BBS9: variants seen among roughly 807,000 people sequenced by gnomAD.
BBS9 encodes the protein protein PTHB1.
Under a neutral mutation model 117.7 loss-of-function variants are expected in BBS9, and 89 were observed. The observed-to-expected ratio is 0.76, with a 90% CI of 0.64 to 0.90. The LOEUF (loss-of-function observed/expected upper bound fraction) is 0.90, where lower values mean the gene tolerates loss of function less well. Ranked by LOEUF, BBS9 falls within the 40% of genes least tolerant of loss-of-function variation. BBS9 has a pLI of 0.00. For synonymous variants in BBS9, 379 were observed against 370.9 expected (o/e 1.02, Z -0.25); for missense variants, 982 against 1,042.2 (o/e 0.94, Z 0.80).
chr7:33,451,478 G>A (rs2128917424), intron 19 of BBS9, among the ~76,000 whole-genome samples: 1 of 152,034 alleles, frequency 6.6e-6, no homozygotes, highest in South Asian at 2.1e-4. Flanking sequence ...TGTAGTCTTG[G>A]CACCCTTGTT....
downstream of BBS9, among the ~76,000 whole-genome samples, chr7:33,608,805 G>C (rs185083128): frequency 1.3e-5 from 2 of 152,096 alleles, no homozygotes; most frequent in East Asian, 3.9e-4. Context: ...CTATTCAATG[G>C]GTTGTCTTTT....
chr7:33,200,954 G>A (rs766197564), intron 5 of BBS9, among the ~76,000 whole-genome samples: 6 of 152,194 alleles, frequency 3.9e-5, no homozygotes, highest in Non-Finnish European at 8.8e-5. Flanking sequence ...ACTGTAAGCT[G>A]TATGTCCCTG....
At chr7:33,632,626 GCTT>G (rs1185944987) in intron 21 of BBS9, among the ~76,000 whole-genome samples, 1 of 152,040 alleles carries the variant, frequency 6.6e-6, no homozygotes, top group Non-Finnish European at 1.5e-5. Flanking sequence ...TCGGTGTTTG[GCTT>G]CAGAACGACC....
intron 19 of BBS9, among the ~76,000 whole-genome samples, chr7:33,407,679 T>A (rs1475254329): frequency 6.6e-6 from 1 of 152,224 alleles, no homozygotes; most frequent in Non-Finnish European, 1.5e-5. Context: ...GCAGGTCTGT[T>A]GGAGTTTGCT....
chr7:33,580,337 A>T (rs1226644890), intron 21 of BBS9, among the ~76,000 whole-genome samples: 1 of 151,730 alleles, frequency 6.6e-6, no homozygotes, highest in Admixed American at 6.6e-5. Context: ...GTTAATCACG[A>T]GGCATTGTTT....
intron 15 of BBS9, among the ~76,000 whole-genome samples, chr7:33,354,528 G>A (rs1819283397): frequency 6.6e-6 from 1 of 152,114 alleles, no homozygotes; most frequent in Admixed American, 6.6e-5. Context: ...ACCAGACATT[G>A]CTACTGCTTT....
chr7:33,214,035 C>A (rs1049828989), intron 5 of BBS9, among the ~76,000 whole-genome samples: 3 of 152,180 alleles, frequency 2.0e-5, no homozygotes, highest in Admixed American at 6.5e-5. Context: ...GCTCTGAACC[C>A]AGCTTAGCAC....
chr7:33,357,743 C>A, intron 15 of BBS9, 112 bp from the exon 16 acceptor site: 1 of 1,087,048 alleles, frequency 9.2e-7, no homozygotes, highest in Non-Finnish European at 1.4e-6. Context: ...GCAAAATAGG[C>A]AGGCAACAAG....
At chr7:33,410,736 T>G (rs1830966898) in intron 19 of BBS9, among the ~76,000 whole-genome samples, 1 of 152,152 alleles carries the variant, frequency 6.6e-6, no homozygotes, top group South Asian at 2.1e-4. Context: ...AAAAGCCAGT[T>G]TGTCTGGCTG....
chr7:33,570,035 C>A (rs1457388200), intron 21 of BBS9, among the ~76,000 whole-genome samples: 1 of 152,146 alleles, frequency 6.6e-6, no homozygotes, highest in Admixed American at 6.5e-5. Flanking sequence ...TTCTTACTTT[C>A]TGTATTGTAA....
chr7:33,553,785 T>C (rs989966793), intron 21 of BBS9, among the ~76,000 whole-genome samples: 2 of 152,162 alleles, frequency 1.3e-5, no homozygotes, highest in Admixed American at 6.5e-5. Flanking sequence ...AATGCTACTG[T>C]GTGCTGGGCT....
chr7:33,466,141 A>G (rs1840128590), intron 19 of BBS9, among the ~76,000 whole-genome samples: 1 of 152,058 alleles, frequency 6.6e-6, no homozygotes, highest in Non-Finnish European at 1.5e-5. Context: ...ACTCACAGTT[A>G]GATTTTTTTG....
chr7:33,548,471 A>G (rs1853782234), intron 21 of BBS9, among the ~76,000 whole-genome samples: 1 of 149,112 alleles, frequency 6.7e-6, no homozygotes, highest in Non-Finnish European at 1.5e-5. Context: ...AGCATTATGT[A>G]TATCTCCCAA....
At chr7:33,274,711 G>A (rs17170155) in intron 9 of BBS9, among the ~76,000 whole-genome samples, 17,168 of 152,010 alleles carry the variant, frequency 0.11, 1,144 homozygotes, top group African/African-American at 0.18. Context: ...AAGGCCATAC[G>A]GGGCGGGGCA....
chr7:33,304,212 G>A (rs1285242850), intron 9 of BBS9, among the ~76,000 whole-genome samples: 6 of 148,214 alleles, frequency 4.0e-5, no homozygotes, highest in African/African-American at 1.3e-4. Flanking sequence ...CATCTGGGAT[G>A]TGAGGAGCGC....
chr7:33,587,685 A>G (rs1861162870), intron 21 of BBS9, among the ~76,000 whole-genome samples: 2 of 152,100 alleles, frequency 1.3e-5, no homozygotes, highest in Admixed American at 1.3e-4. Flanking sequence ...CTGACTTTTT[A>G]TTGCCAAAAA....
intron 6 of BBS9, among the ~76,000 whole-genome samples, chr7:33,257,800 C>T (rs373708805): frequency 3.3e-5 from 5 of 151,856 alleles, no homozygotes; most frequent in African/African-American, 4.8e-5. Flanking sequence ...TAATTAAATA[C>T]GATGTTGAGT....
intron 21 of BBS9, among the ~76,000 whole-genome samples, chr7:33,564,818 A>G (rs1030100668): frequency 6.6e-6 from 1 of 152,208 alleles, no homozygotes; most frequent in African/African-American, 2.4e-5. Flanking sequence ...TGTTTCTCCA[A>G]AAACTGAATT....
At chr7:33,491,800 T>G (rs946038323) in intron 19 of BBS9, among the ~76,000 whole-genome samples, 5 of 152,208 alleles carry the variant, frequency 3.3e-5, no homozygotes, top group African/African-American at 1.2e-4. Flanking sequence ...CATGAAGAGG[T>G]ACTGAAATTA....
Sources: allele counts gnomAD v4.1 joint callset (sites outside exome capture counted in the v4.1 genomes callset), GRCh38; gene constraint gnomAD v4.1.1; transcripts MANE v1.5; gene names NCBI Gene and HGNC (gene_info 2026-07-23, HGNC 2026-07-21).